Variants in CMTM6 observed in about 807,000 individuals in gnomAD.
CMTM6 encodes the protein CKLF like MARVEL transmembrane domain containing 6.
A neutral mutation model predicts 13.6 loss-of-function variants in CMTM6; 5 were observed. That is an observed-to-expected ratio of 0.37 (90% confidence interval 0.19 to 0.77). The LOEUF (loss-of-function observed/expected upper bound fraction) is 0.77. CMTM6 is among the 30% of genes least tolerant of loss of function. CMTM6 has a pLI of 0.50. For missense variants in CMTM6, 196 were observed against 218.6 expected, an observed-to-expected ratio of 0.90 and a Z score of 0.65; for synonymous variants, 99 against 84.5, an observed-to-expected ratio of 1.17 and a Z score of -0.94.
chr3:32,493,312 G>A lies in CMTM6; in HGVS notation c.139-1426C>T, dbSNP rs146567594. ...ATGGTGAGTGGAGAATGTTAACTCT[G>A]GTTAAATTGGCAACTCAATTACACG... On this transcript the variant is annotated intron_variant, in intron 1 of 3. Coordinates refer to ENST00000205636, the MANE Select transcript of CMTM6 (RefSeq NM_017801.3). Among the ~76,000 whole-genome samples the A allele has an allele frequency of 2.1e-3, 319 of 152,280 alleles. 1 individual carries two copies. The highest frequency in any genetic ancestry group is 6.9e-3 in the African/African-American group (285 of 41,554).
Position 32,482,686 on chromosome 3 carries a change from T to C in CMTM6, c.*1274A>G, listed in dbSNP as rs1274440104. The C allele has an allele frequency of 3.3e-5, 5 of 151,790 alleles. No homozygotes were observed. The highest frequency in any genetic ancestry group is 1.2e-4 in the African/African-American group (5 of 41,240). 9.4% of individuals were successfully genotyped at this position (151,790 alleles called of 1,614,324 possible). ...TGATTCTCTTATGCCACCAACAGTATTAGTCTGGGCAGGGTTCCCTGGATA... is the reference window on the plus strand; with the variant it reads ...TGATTCTCTTATGCCACCAACAGTACTAGTCTGGGCAGGGTTCCCTGGATA... On this transcript the variant is annotated 3_prime_UTR_variant, in exon 4 of 4. Transcript: ENST00000205636.
intron 2 of CMTM6, 82 bp from the exon 3 acceptor site, chr3:32,488,118 A>C: frequency 3.1e-6 from 3 of 975,252 alleles, no homozygotes; most frequent in Non-Finnish European, 4.6e-6. Context: ...AACTTTAAAA[A>C]GCTCTGGCTA....
intron 1 of CMTM6, among the ~76,000 whole-genome samples, chr3:32,494,481 A>G (rs1240752818): frequency 6.6e-6 from 1 of 152,222 alleles, no homozygotes; most frequent in Non-Finnish European, 1.5e-5. Flanking sequence ...AAAACTAAGC[A>G]TATATCTACC....
In CMTM6 at chr3:32,491,809, C is replaced by T. The variant is rs1372772358; in HGVS notation, c.216G>A (p.Glu72=). 6.2e-7 allele frequency: 1 copy of T among 1,613,696 alleles called. No individual in the cohort carries two copies. Among genetic ancestry groups the T allele is most frequent in the African/African-American group, 1.3e-5 (1 of 74,856 alleles). ...GAAGAAAGGCACTGCAGCTTACAAA[C>T]TCAAAAAAATAAAGTCCTCCACATA... ...CTLCGGLYFF[E]FVSCSAFLLS... The change falls in exon 2 of 4, where the codon GAG becomes GAA. Residue 72 remains glutamate (E), a synonymous_variant. Coordinates refer to ENST00000205636, the MANE Select transcript of CMTM6 (RefSeq NM_017801.3).
At chr3:32,487,723 AT>A (rs1393411012) in intron 3 of CMTM6, 6 of 415,562 alleles carry the variant, frequency 1.4e-5, no homozygotes, top group South Asian at 5.7e-5. Context: ...GAGTAAGTGG[AT>A]TTTTTTTAAA....
chr3:32,493,597 G>T (rs1207898610), intron 1 of CMTM6, among the ~76,000 whole-genome samples: 1 of 152,144 alleles, frequency 6.6e-6, no homozygotes, highest in East Asian at 1.9e-4. Context: ...TGGCAGAGTG[G>T]GAGGGTGAGA....
At chr3:32,493,368 T>C (rs1697265198) in intron 1 of CMTM6, among the ~76,000 whole-genome samples, 1 of 152,220 alleles carries the variant, frequency 6.6e-6, no homozygotes, top group African/African-American at 2.4e-5. Flanking sequence ...CCAACTGCTG[T>C]ATATGTGGTA....
chr3:32,496,844 G>A (rs1401844350), intron 1 of CMTM6, among the ~76,000 whole-genome samples: 25 of 152,268 alleles, frequency 1.6e-4, no homozygotes, highest in Non-Finnish European at 1.0e-4. Flanking sequence ...TAAGGCAACT[G>A]ACCTAACTGG....
intron 1 of CMTM6, 57 bp from the exon 2 acceptor site, chr3:32,491,943 T>G (rs931140747): frequency 2.9e-6 from 4 of 1,383,046 alleles, no homozygotes; most frequent in Non-Finnish European, 2.9e-6. Context: ...CTACAGTATT[T>G]AGAAAGCTGT....
intron 1 of CMTM6, among the ~76,000 whole-genome samples, chr3:32,493,949 G>A (rs772282717): frequency 6.6e-6 from 1 of 152,166 alleles, no homozygotes; most frequent in Non-Finnish European, 1.5e-5. Context: ...GTAAGGCAGT[G>A]AAGGAGAGAC....
At chr3:32,497,095 ACTC>A (rs1467530567) in intron 1 of CMTM6, among the ~76,000 whole-genome samples, 8 of 151,700 alleles carry the variant, frequency 5.3e-5, no homozygotes, top group African/African-American at 1.7e-4. Context: ...AAAAAAGAAA[ACTC>A]CTACACCGGG....
intron 1 of CMTM6, 53 bp downstream of exon 1, chr3:32,502,555 G>C: frequency 1.3e-6 from 2 of 1,554,584 alleles, no homozygotes; most frequent in East Asian, 2.4e-5. Context: ...TCCCAAGCCC[G>C]GGCCAGACCC....
chr3:32,489,296 A>T (rs909352322), intron 2 of CMTM6, among the ~76,000 whole-genome samples: 1 of 151,546 alleles, frequency 6.6e-6, no homozygotes, highest in African/African-American at 2.4e-5. Context: ...AAAATCAATA[A>T]AACTATTTAA....
Position 32,502,819 on chromosome 3 carries a change from G to T in CMTM6, c.-74C>A. The T allele has an allele frequency of 7.4e-7, 1 of 1,352,480 alleles. No individual in the cohort carries two copies. The highest frequency in any genetic ancestry group is 9.5e-7 in the Non-Finnish European group (1 of 1,052,132). 83.8% of individuals were successfully genotyped at this position (1,352,480 alleles called of 1,614,324 possible). A position where few individuals can be genotyped will look rare whatever the true frequency, so the allele number is the denominator to read the frequency against. On this transcript the variant is annotated 5_prime_UTR_variant, in exon 1 of 4. Coordinates refer to ENST00000205636, the MANE Select transcript of CMTM6 (RefSeq NM_017801.3). Reference sequence around the variant, plus strand: ...TCTCGGACTCCAGAAGTCCCCGGTAGCCGGGAGGCGGCCGTCACTTCCTGG... The same window carrying T: ...TCTCGGACTCCAGAAGTCCCCGGTATCCGGGAGGCGGCCGTCACTTCCTGG...
chr3:32,502,582 C>T (rs1303611448), intron 1 of CMTM6, 26 bp downstream of exon 1: 5 of 1,579,910 alleles, frequency 3.2e-6, no homozygotes, highest in East Asian at 2.3e-5. Flanking sequence ...CCAGCCCGGG[C>T]TCGCCCTCCC....
chr3:32,498,520 C>A (rs1454827740), intron 1 of CMTM6, among the ~76,000 whole-genome samples: 1 of 151,720 alleles, frequency 6.6e-6, no homozygotes, highest in African/African-American at 2.4e-5. Context: ...AAAACATGAT[C>A]TTACAGTTCT....
At position 32,481,741 on chromosome 3, in the gene CMTM6, T is replaced by C. The variant is rs75196084; in HGVS notation, c.*2219A>G. On this transcript the variant is annotated 3_prime_UTR_variant, in exon 4 of 4. Transcript: ENST00000205636. ...AAAGGCTAACCATTCATGGGTCCCA[T>C]AAAAAACAATGTGAAGGAAGGTTCT... 1 of 152,148 alleles carries C rather than the reference T, an allele frequency of 6.6e-6. No homozygotes were observed. Among genetic ancestry groups the C allele is most frequent in the African/African-American group, 2.4e-5 (1 of 41,448 alleles). 9.4% of individuals were successfully genotyped at this position (152,148 alleles called of 1,614,324 possible).
intron 1 of CMTM6, among the ~76,000 whole-genome samples, chr3:32,495,982 TCTGGCCAACCTGGTTCAAGACCAGC>T (rs1418359865): frequency 2.0e-5 from 3 of 151,880 alleles, no homozygotes; most frequent in Non-Finnish European, 4.4e-5. Flanking sequence ...CTTGAGGCCT[TCTGGCCAACCTGGTTCAAGACCAGC>T]CTGGCCAACA....
Position 32,502,625 on chromosome 3 carries a change from G to C in CMTM6, c.121C>G (p.Leu41Val), listed in dbSNP as rs752961094. 11 of 1,597,240 alleles carry C rather than the reference G, an allele frequency of 6.9e-6. No homozygotes were observed. The highest frequency in any genetic ancestry group is 1.1e-5 in the South Asian group (1 of 88,410). Residue 41 changes from leucine to valine, a missense_variant, in exon 1 of 4, where the codon CTC (leucine) becomes GTC (valine). By Grantham distance (32) the Leu-to-Val change is conservative. This residue lies in a region of CMTM6 where 85 missense variants were observed against 58.7 expected (regional missense o/e 1.45). Coordinates refer to ENST00000205636, the MANE Select transcript of CMTM6 (RefSeq NM_017801.3). ...GGACTCACCAGCTGCAAGCCCTTGAGAACGCGCCGGAGCAATGGGAGCCGG... is the reference window on the plus strand; with the variant it reads ...GGACTCACCAGCTGCAAGCCCTTGACAACGCGCCGGAGCAATGGGAGCCGG... ...MGRLPLLRRV[L>V]KGLQLLLSLL...
Sources: allele counts gnomAD v4.1 joint callset (sites outside exome capture counted in the v4.1 genomes callset), GRCh38; gene constraint gnomAD v4.1.1; regional missense constraint gnomAD v4.1.1; transcripts MANE v1.5; gene names NCBI Gene and HGNC (gene_info 2026-07-23, HGNC 2026-07-21).